The following SAMHD1 variants were observed in gnomAD, a reference collection of about 807,000 sequenced individuals.
The protein encoded by SAMHD1 is SAM and HD domain containing deoxynucleoside triphosphate triphosphohydrolase 1.
A neutral mutation model predicts 79.6 loss-of-function variants in SAMHD1; 54 were observed. The observed-to-expected ratio is 0.68, with a 90% CI of 0.55 to 0.85. SAMHD1 has a LOEUF of 0.85. Ranked by LOEUF, SAMHD1 falls within the 40% of genes least tolerant of loss-of-function variation. The pLI is 0.00. For missense variants in SAMHD1, 663 were observed against 782.7 expected, an observed-to-expected ratio of 0.85 and a Z score of 1.82; for synonymous variants, 260 against 264.1, an observed-to-expected ratio of 0.98 and a Z score of 0.15.
intron 11 of SAMHD1, among the ~76,000 whole-genome samples, chr20:36,907,194 C>G (rs1223791851): frequency 6.6e-6 from 1 of 151,566 alleles, no homozygotes; most frequent in South Asian, 2.1e-4. Flanking sequence ...TGTGCTCAAG[C>G]AATCCTCCTG....
chr20:36,951,361 G>GC (rs2063733305), intron 1 of SAMHD1, 75 bp downstream of exon 1: 1 of 1,595,084 alleles, frequency 6.3e-7, no homozygotes, highest in Non-Finnish European at 8.5e-7. Context: ...CTCTCGTGGG[G>GC]CCCCCTCCCT....
Position 36,909,907 on chromosome 20 carries a change from C to A in SAMHD1, c.1270+1311G>T, listed in dbSNP as rs559262104. On this transcript the variant is annotated intron_variant, in intron 11 of 15. Coordinates refer to ENST00000646673, the MANE Select transcript of SAMHD1 (RefSeq NM_015474.4). ...GACAAGTCTGGGCAACATAATGGGA[C>A]CCTGTCTCTACAAAAATTAAAAAAA... Among the ~76,000 whole-genome samples, 266 of 151,706 alleles carry A rather than the reference C, an allele frequency of 1.8e-3. 1 individual carries two copies. Among genetic ancestry groups the A allele is most frequent in the African/African-American group, 6.3e-3 (260 of 41,310 alleles).
intron 12 of SAMHD1, chr20:36,905,084 C>T: frequency 2.4e-6 from 1 of 409,524 alleles, no homozygotes. Flanking sequence ...ATTGGAGACC[C>T]ACTCTCACTT....
At chr20:36,949,472 T>C (rs1172986607) in intron 1 of SAMHD1, among the ~76,000 whole-genome samples, 1 of 110,976 alleles carries the variant, frequency 9.0e-6, no homozygotes, top group African/African-American at 3.5e-5. Context: ...AAAAAAAAAA[T>C]GAGGCCGGGC....
At chr20:36,947,124 G>A (rs906082675) in intron 1 of SAMHD1, 7 of 289,762 alleles carry the variant, frequency 2.4e-5, no homozygotes, top group East Asian at 1.8e-4. Flanking sequence ...GCAGCTTTGA[G>A]TTGGGGAGGG....
At chr20:36,936,263 A>G (rs572865341) in intron 3 of SAMHD1, among the ~76,000 whole-genome samples, 1 of 152,154 alleles carries the variant, frequency 6.6e-6, no homozygotes, top group South Asian at 2.1e-4. Flanking sequence ...AAAAAGCAAG[A>G]AAATAATTTT....
At chr20:36,931,631 C>T (rs2063568430) in intron 4 of SAMHD1, among the ~76,000 whole-genome samples, 2 of 151,828 alleles carry the variant, frequency 1.3e-5, no homozygotes, top group South Asian at 2.1e-4. Flanking sequence ...AGCAAGATTC[C>T]GTCCCCACCA....
At chr20:36,945,665 C>A (rs1397819275) in intron 2 of SAMHD1, among the ~76,000 whole-genome samples, 1 of 151,142 alleles carries the variant, frequency 6.6e-6, no homozygotes, top group African/African-American at 2.4e-5. Flanking sequence ...CAGACCTTGG[C>A]CCACCTTAGG....
chr20:36,911,990 TA>T (rs2063443625), intron 10 of SAMHD1: 1 of 200,492 alleles, frequency 5.0e-6, no homozygotes. Flanking sequence ...CAGGAAGAGG[TA>T]AAATTCCTGT....
At chr20:36,947,549 GGGGTGT>G (rs1256288843) in intron 1 of SAMHD1, among the ~76,000 whole-genome samples, 16,402 of 60,292 alleles carry the variant, frequency 0.27, 2,941 homozygotes, top group East Asian at 0.41. Flanking sequence ...ATTTGGAAGA[GGGGTGT>G]GTGTGTGTGT....
In SAMHD1 at chr20:36,905,395, G is replaced by A. The variant is rs1194519605; in HGVS notation, c.1379C>T (p.Thr460Met). ...YRNLFKYVGE[T>M]QPTGQIKIKR... The stretch of plus-strand genomic sequence containing the variant: ...AATCTTTATTTGTCCTGTTGGCTGC[G>A]TCTCACCCACATACTTGAATAGATT... Residue 460 changes from threonine (T) to methionine (M), a missense_variant, in exon 12 of 16, where the codon ACG (threonine) becomes ATG (methionine). Transcript: ENST00000646673. 13 of 1,613,960 alleles carry A rather than the reference G, an allele frequency of 8.1e-6. No homozygotes were observed. Among genetic ancestry groups the A allele is most frequent in the South Asian group, 1.1e-5 (1 of 91,074 alleles).
chr20:36,947,811 G>T (rs1328962031), intron 1 of SAMHD1, among the ~76,000 whole-genome samples: 1 of 151,998 alleles, frequency 6.6e-6, no homozygotes, highest in Non-Finnish European at 1.5e-5. Context: ...GGGACCACAG[G>T]CATGTGCCAC....
chr20:36,902,446 T>G (rs1258355394), intron 13 of SAMHD1, among the ~76,000 whole-genome samples: 1 of 152,218 alleles, frequency 6.6e-6, no homozygotes, highest in African/African-American at 2.4e-5. Context: ...CCTCCCAAAG[T>G]GCTGGGATTG....
At chr20:36,946,156 TA>T (rs1377072638) in intron 2 of SAMHD1, among the ~76,000 whole-genome samples, 1 of 151,844 alleles carries the variant, frequency 6.6e-6, no homozygotes, top group Non-Finnish European at 1.5e-5. Context: ...CCGGGCGCGG[TA>T]ATTCCAGCAC....
chr20:36,946,901 G>A (rs1469308213), intron 1 of SAMHD1, 97 bp from the exon 2 acceptor site: 4 of 911,328 alleles, frequency 4.4e-6, no homozygotes, highest in Non-Finnish European at 5.2e-6. Context: ...CCACATAAGT[G>A]AGTACCCACT....
chr20:36,915,335 C>A (rs573826396), intron 9 of SAMHD1, among the ~76,000 whole-genome samples: 2 of 152,138 alleles, frequency 1.3e-5, no homozygotes, highest in Admixed American at 1.3e-4. Flanking sequence ...AAGACCCTGT[C>A]TGGAAAGAAA....
chr20:36,917,117 G>A, intron 7 of SAMHD1, 68 bp from the exon 8 acceptor site: 1 of 976,782 alleles, frequency 1.0e-6, no homozygotes, highest in Admixed American at 1.8e-5. Flanking sequence ...ACAAAGCAAA[G>A]CAATTTTATT....
chr20:36,906,461 C>A (rs778016438), intron 11 of SAMHD1, among the ~76,000 whole-genome samples: 1 of 152,024 alleles, frequency 6.6e-6, no homozygotes, highest in Non-Finnish European at 1.5e-5. Flanking sequence ...AAAAAGAGAA[C>A]GGTCCTGAAG....
At chr20:36,934,141 G>A (rs1340148561) in intron 4 of SAMHD1, among the ~76,000 whole-genome samples, 2 of 151,980 alleles carry the variant, frequency 1.3e-5, no homozygotes, top group Admixed American at 1.3e-4. Flanking sequence ...CAACTGACCT[G>A]TCTATAGATA....
Sources: gnomAD v4.1 joint callset for allele counts (sites outside exome capture counted in the v4.1 genomes callset) on GRCh38, gnomAD v4.1.1 for gene constraint, MANE v1.5 for transcripts, NCBI Gene and HGNC (gene_info 2026-07-23, HGNC 2026-07-21) for gene names.